Variants in EIF2AK2 observed in about 807,000 individuals in gnomAD.
EIF2AK2 encodes eukaryotic translation initiation factor 2 alpha kinase 2.
EIF2AK2 carries 40 observed loss-of-function variants against 70.5 expected under a neutral mutation model. The ratio of observed to expected loss-of-function variants is 0.57; its 90% CI spans 0.44 to 0.74. The LOEUF (loss-of-function observed/expected upper bound fraction) is 0.74, where lower values mean the gene tolerates loss of function less well. Among genes scored for constraint, EIF2AK2 ranks in the 30% least tolerant of loss-of-function variants. EIF2AK2 has a pLI of 0.00. For synonymous variants in EIF2AK2, 198 were observed against 220.9 expected, an observed-to-expected ratio of 0.90 and a Z score of 0.92; for missense variants, 555 against 644.3, an observed-to-expected ratio of 0.86 and a Z score of 1.50.
intron 4 of EIF2AK2, among the ~76,000 whole-genome samples, chr2:37,145,299 T>C (rs982959954): frequency 1.3e-5 from 2 of 151,932 alleles, no homozygotes; most frequent in African/African-American, 2.4e-5. Flanking sequence ...CCCACCACCA[T>C]GCCCGGCTAA....
Position 37,147,784 on chromosome 2 carries a change from C to A in EIF2AK2, c.23G>T (p.Gly8Val). Residue 8 changes from glycine (G) to valine (V), a missense_variant, in exon 3 of 17, where the codon GGT (glycine) becomes GTT (valine). By Grantham distance (109) the Gly-to-Val change is moderately radical. Coordinates refer to ENST00000233057, the MANE Select transcript of EIF2AK2 (RefSeq NM_001135651.3). MAGDLSAGFFMEELNTYR... is the reference protein window; with the variant it reads MAGDLSAVFFMEELNTYR... ...TGTATTAAGTTCCTCCATGAAGAAA[C>A]CTGCTGAAAGATCACCAGCCATTTC... 6.2e-7 allele frequency: 1 copy of A among 1,613,184 alleles called. No individual in the cohort carries two copies. Among genetic ancestry groups the A allele is most frequent in the Non-Finnish European group, 8.5e-7 (1 of 1,179,460 alleles).
intron 4 of EIF2AK2, 144 bp downstream of exon 4, chr2:37,146,709 G>C (rs1675551935): frequency 3.0e-6 from 3 of 996,120 alleles, no homozygotes; most frequent in Admixed American, 2.7e-5. Context: ...TAGAAATGAA[G>C]ATAGGGTGAA....
intron 13 of EIF2AK2, among the ~76,000 whole-genome samples, chr2:37,118,759 G>A (rs1210855668): frequency 2.0e-5 from 3 of 152,180 alleles, no homozygotes; most frequent in African/African-American, 7.2e-5. Flanking sequence ...CAGCCCCTGG[G>A]CAGACCACGG....
intron 2 of EIF2AK2, 36 bp downstream of exon 2, chr2:37,148,821 C>G: frequency 1.2e-6 from 1 of 832,940 alleles, no homozygotes. Context: ...GATGATGCCA[C>G]TTTTCTGAGT....
chr2:37,117,211 CAA>C (rs534964659), intron 13 of EIF2AK2, among the ~76,000 whole-genome samples: 20 of 44,240 alleles, frequency 4.5e-4, no homozygotes, highest in Non-Finnish European at 5.2e-4. Flanking sequence ...GACTCTGTCT[CAA>C]AAAAAAAAAA....
intron 1 of EIF2AK2, among the ~76,000 whole-genome samples, chr2:37,155,950 A>AAAAAAAAAAG (rs10638880): frequency 2.9e-5 from 4 of 138,980 alleles, no homozygotes; most frequent in Non-Finnish European, 3.0e-5. Flanking sequence ...AAAAAAAAAA[A>AAAAAAAAAAG]AAAAGAAAAG....
intron 14 of EIF2AK2, among the ~76,000 whole-genome samples, chr2:37,112,108 G>A (rs1029874521): frequency 1.3e-5 from 2 of 151,720 alleles, no homozygotes; most frequent in African/African-American, 4.8e-5. Context: ...GTTTAGTGAT[G>A]TATGCCACTG....
intron 4 of EIF2AK2, among the ~76,000 whole-genome samples, chr2:37,146,354 A>C (rs1186804635): frequency 2.6e-5 from 4 of 152,180 alleles, no homozygotes; most frequent in Non-Finnish European, 2.9e-5. Context: ...GGAAGATGTA[A>C]ATAGGTTATA....
intron 11 of EIF2AK2, among the ~76,000 whole-genome samples, chr2:37,123,913 T>G (rs1674642533): frequency 6.6e-6 from 1 of 151,954 alleles, no homozygotes; most frequent in African/African-American, 2.4e-5. Context: ...GACACAAATT[T>G]GCAAAAATAA....
At chr2:37,122,737 A>T in intron 11 of EIF2AK2, 73 bp from the exon 12 acceptor site, 1 of 1,568,888 alleles carries the variant, frequency 6.4e-7, no homozygotes, top group Non-Finnish European at 8.7e-7. Context: ...CACCTCATGT[A>T]ATAGACAACT....
chr2:37,154,968 T>C (rs953693219), intron 1 of EIF2AK2, among the ~76,000 whole-genome samples: 2 of 151,898 alleles, frequency 1.3e-5, no homozygotes, highest in Non-Finnish European at 2.9e-5. Context: ...TCTATGGTTC[T>C]AACTTCCTCT....
chr2:37,115,630 G>A (rs1199614849), intron 13 of EIF2AK2, among the ~76,000 whole-genome samples: 1 of 152,140 alleles, frequency 6.6e-6, no homozygotes, highest in Non-Finnish European at 1.5e-5. Context: ...ATGAGTCCAT[G>A]ATCTGATAGG....
Position 37,148,996 on chromosome 2 carries a change from G to T in EIF2AK2, c.-156C>A. ...GAGGTCATTACAATTTACAAATCCA[G>T]GAAGGCAAACTGAATTTGCTCCAGA... On this transcript the variant is annotated 5_prime_UTR_variant, in exon 2 of 17. The change creates a new upstream start codon in the 5' untranslated region. Transcript: ENST00000233057. 1 of 869,512 alleles carries T rather than the reference G, an allele frequency of 1.2e-6. No homozygotes were observed. Among genetic ancestry groups the T allele is most frequent in the Non-Finnish European group, 2.0e-6 (1 of 499,406 alleles). The allele number at this position is 869,512 out of a possible 1,614,324, so 53.9% of individuals were successfully genotyped here.
At chr2:37,128,400 C>T (rs1184630939) in intron 10 of EIF2AK2, among the ~76,000 whole-genome samples, 2 of 152,062 alleles carry the variant, frequency 1.3e-5, no homozygotes, top group Non-Finnish European at 2.9e-5. Context: ...CACTGATTTA[C>T]AGGAGTACTT....
At chr2:37,116,736 A>G (rs570483252) in intron 13 of EIF2AK2, among the ~76,000 whole-genome samples, 1 of 152,330 alleles carries the variant, frequency 6.6e-6, no homozygotes, top group Non-Finnish European at 1.5e-5. Context: ...AAACATTCCT[A>G]TGCTATGTTC....
At chr2:37,148,768 A>T (rs140890856) in intron 2 of EIF2AK2, 89 bp downstream of exon 2, 2 of 822,622 alleles carry the variant, frequency 2.4e-6, no homozygotes, top group Non-Finnish European at 4.3e-6. Flanking sequence ...CATTTAACAT[A>T]CACAAAAAAC....
intron 1 of EIF2AK2, 138 bp downstream of exon 1, chr2:37,156,770 G>A: frequency 6.5e-6 from 1 of 153,242 alleles, no homozygotes. Context: ...GGGGCCAGGG[G>A]CTTCGGATCA....
intron 9 of EIF2AK2, 126 bp from the exon 10 acceptor site, chr2:37,135,672 A>C (rs1427843692): frequency 1.3e-6 from 1 of 775,000 alleles, no homozygotes; most frequent in African/African-American, 1.8e-5. Context: ...CCCATCTCCC[A>C]GCCTGGAGTG....
chr2:37,130,483 G>C (rs1246555565), intron 10 of EIF2AK2, among the ~76,000 whole-genome samples: 3 of 152,170 alleles, frequency 2.0e-5, no homozygotes, highest in African/African-American at 7.2e-5. Context: ...GGCTCCTATA[G>C]ACTGGTTCAG....
Sources: allele counts gnomAD v4.1 joint callset (sites outside exome capture counted in the v4.1 genomes callset), GRCh38; gene constraint gnomAD v4.1.1; transcripts MANE v1.5; gene names NCBI Gene and HGNC (gene_info 2026-07-23, HGNC 2026-07-21).